The following PTPRT variants were observed in gnomAD, a reference collection of about 807,000 sequenced individuals.
The protein encoded by PTPRT is receptor-type tyrosine-protein phosphatase T.
A neutral mutation model predicts 176.8 loss-of-function variants in PTPRT; 56 were observed. The observed-to-expected ratio is 0.32, with a 90% CI of 0.26 to 0.40. The LOEUF (loss-of-function observed/expected upper bound fraction) is 0.40, where lower values mean the gene tolerates loss of function less well. Ranked by LOEUF, PTPRT falls within the 10% of genes least tolerant of loss-of-function variation. PTPRT has a pLI of 1.00. For missense variants in PTPRT, 1,540 were observed against 1,908.2 expected, an observed-to-expected ratio of 0.81 and a Z score of 3.60; for synonymous variants, 783 against 739.0, an observed-to-expected ratio of 1.06 and a Z score of -0.96.
intron 15 of PTPRT, among the ~76,000 whole-genome samples, chr20:42,227,600 GTTTTTTTTTTTTTTTT>G (rs10854224): frequency 1.6e-5 from 1 of 61,868 alleles, no homozygotes; most frequent in Non-Finnish European, 2.8e-5. Flanking sequence ...GTCCCTCATT[GTTTTTTTTTTTTTTTT>G]TTTTTTTTTG....
At chr20:42,097,229 C>T (rs909383051) in intron 27 of PTPRT, among the ~76,000 whole-genome samples, 2 of 152,224 alleles carry the variant, frequency 1.3e-5, no homozygotes, top group East Asian at 1.9e-4. Flanking sequence ...GGCACAGGGA[C>T]CTCTCTGCAA....
At chr20:42,327,748 A>G (rs1261824036) in intron 11 of PTPRT, among the ~76,000 whole-genome samples, 1 of 152,162 alleles carries the variant, frequency 6.6e-6, no homozygotes, top group East Asian at 1.9e-4. Context: ...GAATTGTTTA[A>G]GCTTAATAAT....
At chr20:42,980,540 C>A (rs1347283170) in intron 1 of PTPRT, among the ~76,000 whole-genome samples, 1 of 152,220 alleles carries the variant, frequency 6.6e-6, no homozygotes, top group African/African-American at 2.4e-5. Flanking sequence ...AAGACAAATT[C>A]TTCAGAAACT....
At chr20:43,131,731 T>G (rs1048785676) in intron 1 of PTPRT, among the ~76,000 whole-genome samples, 2 of 152,102 alleles carry the variant, frequency 1.3e-5, no homozygotes, top group South Asian at 4.1e-4. Context: ...CAAAATCAAG[T>G]AACTTATGAA....
At chr20:42,466,625 G>A (rs995158061) in intron 8 of PTPRT, among the ~76,000 whole-genome samples, 3 of 152,274 alleles carry the variant, frequency 2.0e-5, no homozygotes, top group Admixed American at 6.5e-5. Context: ...GAGCACCAGG[G>A]TTCTCACTGC....
intron 1 of PTPRT, among the ~76,000 whole-genome samples, chr20:43,012,201 C>T (rs1030762804): frequency 2.6e-5 from 4 of 152,174 alleles, no homozygotes; most frequent in East Asian, 1.9e-4. Context: ...GTCCCTCTAG[C>T]GAACCCTGAC....
At chr20:43,128,980 G>A (rs372865633) in intron 1 of PTPRT, among the ~76,000 whole-genome samples, 2 of 152,126 alleles carry the variant, frequency 1.3e-5, no homozygotes, top group East Asian at 1.9e-4. Flanking sequence ...ACATGCATGC[G>A]TGTGTATATA....
chr20:42,216,419 A>T (rs1330308476), intron 15 of PTPRT, among the ~76,000 whole-genome samples: 1 of 152,236 alleles, frequency 6.6e-6, no homozygotes, highest in Non-Finnish European at 1.5e-5. Flanking sequence ...TTAAGAGATG[A>T]TCACAAGTCC....
chr20:42,803,605 G>A (rs1269151536), intron 2 of PTPRT, among the ~76,000 whole-genome samples: 1 of 152,198 alleles, frequency 6.6e-6, no homozygotes, highest in Non-Finnish European at 1.5e-5. Context: ...CCAGGATGGA[G>A]TACAGTGGCA....
intron 1 of PTPRT, among the ~76,000 whole-genome samples, chr20:43,067,628 C>T (rs989267348): frequency 4.0e-5 from 6 of 151,820 alleles, no homozygotes; most frequent in Admixed American, 3.9e-4. Flanking sequence ...GGGAAGTCCT[C>T]GGATGACTGT....
At chr20:42,699,784 T>G (rs2075946260) in intron 6 of PTPRT, among the ~76,000 whole-genome samples, 1 of 152,194 alleles carries the variant, frequency 6.6e-6, no homozygotes, top group African/African-American at 2.4e-5. Context: ...CTACGCCAAG[T>G]ACAGTGCCTT....
intron 2 of PTPRT, among the ~76,000 whole-genome samples, chr20:42,876,750 C>T (rs2078938756): frequency 6.6e-6 from 1 of 152,178 alleles, no homozygotes; most frequent in Non-Finnish European, 1.5e-5. Flanking sequence ...AAATAACCGC[C>T]TTCCTTATTC....
the PTPRT span, among the ~76,000 whole-genome samples, chr20:42,035,606 C>T: frequency 6.6e-6 from 1 of 152,180 alleles, no homozygotes; most frequent in East Asian, 1.9e-4. Flanking sequence ...CCCCATCCCA[C>T]AATCCCCAAG....
intron 16 of PTPRT, among the ~76,000 whole-genome samples, chr20:42,181,095 A>G (rs533456996): frequency 6.6e-6 from 1 of 152,326 alleles, no homozygotes; most frequent in Admixed American, 6.5e-5. Flanking sequence ...CTCAATAAAT[A>G]TTAGTTTCTT....
chr20:42,511,500 G>A (rs943356805), intron 7 of PTPRT, among the ~76,000 whole-genome samples: 4 of 151,674 alleles, frequency 2.6e-5, no homozygotes, highest in Admixed American at 6.6e-5. Flanking sequence ...AGTACTCATC[G>A]TTTGTGGACT....
chr20:42,350,581 G>T lies in PTPRT; in HGVS notation c.1865+47C>A, dbSNP rs142593407. On this transcript the variant is annotated intron_variant, in intron 11 of 30. Transcript: ENST00000373187. ...CATGATTCAACTGGAGGCCCATGTG[G>T]CACAGAGAAGAAAAACTGCAGACTC... The T allele has an allele frequency of 3.5e-6, 5 of 1,428,040 alleles. No homozygotes were observed. The African/African-American group carries it at 5.6e-5, about 16-fold the overall frequency. The allele number at this position is 1,428,040 out of a possible 1,614,324, so 88.5% of individuals were successfully genotyped here.
At chr20:42,126,032 G>A (rs368835261) in intron 19 of PTPRT, among the ~76,000 whole-genome samples, 1 of 149,266 alleles carries the variant, frequency 6.7e-6, no homozygotes, top group Non-Finnish European at 1.5e-5. Flanking sequence ...GAGTGGGGGG[G>A]GGGAGGGGAA....
At chr20:42,398,885 A>T (rs2058877476) in intron 9 of PTPRT, among the ~76,000 whole-genome samples, 1 of 152,228 alleles carries the variant, frequency 6.6e-6, no homozygotes, top group South Asian at 2.1e-4. Context: ...AGCCATAGTC[A>T]TCTAAGCTCA....
intron 9 of PTPRT, among the ~76,000 whole-genome samples, chr20:42,379,647 T>C (rs1444033335): frequency 6.6e-6 from 1 of 152,254 alleles, no homozygotes; most frequent in Non-Finnish European, 1.5e-5. Flanking sequence ...GCCTTGGCCC[T>C]GGCCGGGTGA....
Sources: allele counts gnomAD v4.1 joint callset (sites outside exome capture counted in the v4.1 genomes callset), GRCh38; gene constraint gnomAD v4.1.1; transcripts MANE v1.5; gene names NCBI Gene and HGNC (gene_info 2026-07-23, HGNC 2026-07-21).